Variants in FKBP14 observed in about 807,000 individuals in gnomAD.
FKBP14 encodes the protein peptidyl-prolyl cis-trans isomerase FKBP14.
In FKBP14, 20 loss-of-function variants were observed where a neutral mutation model predicts 21.6. The ratio of observed to expected loss-of-function variants is 0.92; its 90% CI spans 0.65 to 1.34. FKBP14 has a LOEUF of 1.34. Ranked by LOEUF, FKBP14 falls within the 40% of genes most tolerant of loss-of-function variation. The pLI is 0.00. For synonymous variants in FKBP14, 79 were observed against 86.7 expected (o/e 0.91, Z 0.49); for missense variants, 253 against 249.0 (o/e 1.02, Z -0.11).
intron 3 of FKBP14, among the ~76,000 whole-genome samples, chr7:30,015,434 A>G (rs1789856118): frequency 6.7e-6 from 1 of 148,320 alleles, no homozygotes; most frequent in Non-Finnish European, 1.5e-5. Context: ...AAAAAATTAA[A>G]AAATTAAAAA....
In FKBP14 at chr7:30,019,060, G is replaced by A; in HGVS notation, c.413C>T (p.Pro138Leu). Reference sequence around the variant, plus strand: ...TTCTTGGAATGATTCATGGGATCTTGGTCCATTTCGAATCTCCAGGAGATC... The same window carrying A: ...TTCTTGGAATGATTCATGGGATCTTAGTCCATTTCGAATCTCCAGGAGATC... ...NIDLLEIRNG[P>L]RSHESFQEMD... The change falls in exon 3 of 4, where the codon CCA becomes CTA. Residue 138 changes from proline (P) to leucine (L), a missense_variant. Coordinates refer to ENST00000222803, the MANE Select transcript of FKBP14 (RefSeq NM_017946.4). 1.3e-6 allele frequency: 2 copies of A among 1,597,364 alleles called. No homozygotes were observed. Among genetic ancestry groups the A allele is most frequent in the Non-Finnish European group, 1.7e-6 (2 of 1,174,628 alleles).
chr7:30,020,853 A>G (rs937532070), intron 2 of FKBP14, among the ~76,000 whole-genome samples: 1 of 152,222 alleles, frequency 6.6e-6, no homozygotes, highest in Non-Finnish European at 1.5e-5. Context: ...TTTCTTCTCT[A>G]AAGAGGATTA....
rs2127950788 is a variant in FKBP14, at chr7:30,026,307, C to T, written c.197+5G>A. 1 of 1,598,450 alleles carries T rather than the reference C, an allele frequency of 6.3e-7. No individual in the cohort carries two copies. The highest frequency in any genetic ancestry group is 1.7e-5 in the Admixed American group (1 of 57,748). The stretch of plus-strand genomic sequence containing the variant: ...CTATTTTACCTGCGGGGCATAATTA[C>T]TTACGTGGAGTGAAATAAGGAGCCG... On this transcript the variant is annotated splice_donor_5th_base_variant and intron_variant, in intron 1 of 3. Coordinates refer to ENST00000222803, the MANE Select transcript of FKBP14 (RefSeq NM_017946.4).
chr7:30,016,656 A>G (rs1217258889), intron 3 of FKBP14, among the ~76,000 whole-genome samples: 1 of 152,118 alleles, frequency 6.6e-6, no homozygotes, highest in Non-Finnish European at 1.5e-5. Context: ...GGCCTCCCAA[A>G]GTGCTGGGAT....
chr7:30,007,221 T>C (rs964628563), downstream of FKBP14, among the ~76,000 whole-genome samples: 4 of 151,568 alleles, frequency 2.6e-5, no homozygotes, highest in Non-Finnish European at 5.9e-5. Context: ...GTTTTTTTTT[T>C]TTTTTTTTAG....
chr7:30,018,203 G>A (rs1201412867), intron 3 of FKBP14, among the ~76,000 whole-genome samples: 6 of 152,132 alleles, frequency 3.9e-5, no homozygotes, highest in Admixed American at 3.3e-4. Flanking sequence ...CCCCTGGTTC[G>A]TAACAATTTG....
rs746441044 is a variant in FKBP14 at position 30,026,425 on chromosome 7, TTTCAC to T, written c.79_83del (p.Val27AsnfsTer2). ...TGAATGGCTTCTGGAGAACTTCAAT[TTTCAC>T]TTCTGGTTCAGGGATCAAAGCCCCA... On this transcript the variant is annotated frameshift_variant, in exon 1 of 4. Transcript: ENST00000222803. LOFTEE classifies it high-confidence loss of function. The T allele has an allele frequency of 6.2e-7, 1 of 1,614,134 alleles. No individual in the cohort carries two copies. The highest frequency in any genetic ancestry group is 1.1e-5 in the South Asian group (1 of 91,076).
chr7:30,023,256 T>C (rs751679838), intron 1 of FKBP14, among the ~76,000 whole-genome samples: 3 of 152,194 alleles, frequency 2.0e-5, no homozygotes, highest in African/African-American at 7.2e-5. Context: ...CACAAAGTTA[T>C]GTTGTCCCAG....
intron 2 of FKBP14, among the ~76,000 whole-genome samples, chr7:30,021,560 CTT>C (rs375759314): frequency 7.6e-5 from 11 of 144,426 alleles, no homozygotes; most frequent in African/African-American, 1.0e-4. Flanking sequence ...CTTCAGACCT[CTT>C]TTTTTTTTTT....
Position 30,022,805 on chromosome 7 carries a change from T to A in FKBP14, c.209A>T (p.Asn70Ile). 2 of 1,613,184 alleles carry A rather than the reference T, an allele frequency of 1.2e-6. No homozygotes were observed. Among genetic ancestry groups the A allele is most frequent in the Non-Finnish European group, 1.7e-6 (2 of 1,179,762 alleles). Residue 70 changes from asparagine to isoleucine, a missense_variant, in exon 2 of 4, where the codon AAC becomes ATC. Asn to Ile is a moderately radical substitution (Grantham distance 149). Transcript: ENST00000222803. ...GSLFHSTHKH[N>I]NGQPIWFTLG... ...GGTAAACCAAATGGGCTGACCATTG[T>A]TATGTTTGTGACTATGATAGAAATA...
chr7:30,015,910 C>G (rs1324158692), intron 3 of FKBP14, among the ~76,000 whole-genome samples: 2 of 151,952 alleles, frequency 1.3e-5, no homozygotes, highest in Non-Finnish European at 2.9e-5. Context: ...CAGGCGTGAG[C>G]CACCGCGCCC....
At chr7:30,005,970 G>C (rs1449157859), downstream of FKBP14, among the ~76,000 whole-genome samples, 1 of 152,008 alleles carries the variant, frequency 6.6e-6, no homozygotes, top group East Asian at 1.9e-4. Flanking sequence ...TTTTCACAGA[G>C]GGGTACCATG....
At chr7:30,006,825 G>A (rs1330491893), downstream of FKBP14, among the ~76,000 whole-genome samples, 2 of 152,240 alleles carry the variant, frequency 1.3e-5, no homozygotes, top group South Asian at 4.1e-4. Context: ...TCCTTAGATC[G>A]GCTCAACTGT....
chr7:30,006,738 A>G (rs1456616542), downstream of FKBP14, among the ~76,000 whole-genome samples: 2 of 152,170 alleles, frequency 1.3e-5, no homozygotes, highest in African/African-American at 4.8e-5. Flanking sequence ...GTCCCCAATT[A>G]TTATGAAATC....
Position 30,012,767 on chromosome 7 carries a change from A to G in FKBP14, c.*1968T>C, listed in dbSNP as rs1156682074. ...GCTATGAAACTGAAGCCATTTCTAT[A>G]TCATAGTGAGAATTCTAATGTACCA... is the stretch of plus-strand genomic sequence containing the variant. On this transcript the variant is annotated 3_prime_UTR_variant, in exon 4 of 4. Coordinates refer to ENST00000222803, the MANE Select transcript of FKBP14 (RefSeq NM_017946.4). The G allele has an allele frequency of 2.6e-5, 4 of 152,222 alleles. No individual in the cohort carries two copies. The highest frequency in any genetic ancestry group is 2.0e-4 in the Admixed American group (3 of 15,276). The allele number at this position is 152,222 out of a possible 1,614,324, so 9.4% of individuals were successfully genotyped here.
downstream of FKBP14, among the ~76,000 whole-genome samples, chr7:30,007,660 C>T (rs1219768748): frequency 6.6e-6 from 1 of 152,136 alleles, no homozygotes; most frequent in African/African-American, 2.4e-5. Context: ...ATATAGGAGA[C>T]TGTATTTACA....
At position 30,019,078 on chromosome 7, in the gene FKBP14, A is replaced by C; in HGVS notation, c.395T>G (p.Leu132Arg). ...ESTLIFNIDLLEIRNGPRSHE... is the reference protein window; with the variant it reads ...ESTLIFNIDLREIRNGPRSHE... Reference sequence around the variant, plus strand: ...GGATCTTGGTCCATTTCGAATCTCCAGGAGATCAATATTAAATATCAGTGT... The same window carrying C: ...GGATCTTGGTCCATTTCGAATCTCCCGGAGATCAATATTAAATATCAGTGT... Residue 132 changes from leucine (L) to arginine (R), a missense_variant, in exon 3 of 4, where the codon CTG becomes CGG. By Grantham distance (102) the Leu-to-Arg change is moderately radical. Transcript: ENST00000222803. 6.3e-7 allele frequency: 1 copy of C among 1,592,154 alleles called. No individual in the cohort carries two copies. Among genetic ancestry groups the C allele is most frequent in the Non-Finnish European group, 8.5e-7 (1 of 1,173,492 alleles).
intron 1 of FKBP14, among the ~76,000 whole-genome samples, chr7:30,024,935 A>G (rs1205939751): frequency 6.6e-6 from 1 of 152,246 alleles, no homozygotes; most frequent in Non-Finnish European, 1.5e-5. Flanking sequence ...TCAAAATGCA[A>G]ATCACATCAT....
Position 30,018,570 on chromosome 7 carries a change from A to G in FKBP14, c.477+426T>C, listed in dbSNP as rs527466192. Reference sequence around the variant, plus strand: ...TGTTAATTGCCAGGAAAACACTACAAGATGTATTTAACAGCCAGTCTACAG... The same window carrying G: ...TGTTAATTGCCAGGAAAACACTACAGGATGTATTTAACAGCCAGTCTACAG... On this transcript the variant is annotated intron_variant, in intron 3 of 3. Transcript: ENST00000222803. 1.3e-4 allele frequency among the ~76,000 whole-genome samples: 20 copies of G among 152,336 alleles called. No homozygotes were observed. In the South Asian group the frequency reaches 4.1e-3, roughly 32 times the overall value.
Sources: gnomAD v4.1 joint callset for allele counts (sites outside exome capture counted in the v4.1 genomes callset) on GRCh38, gnomAD v4.1.1 for gene constraint, MANE v1.5 for transcripts, NCBI Gene and HGNC (gene_info 2026-07-23, HGNC 2026-07-21) for gene names.